Variants in NAV2 observed in about 807,000 individuals in gnomAD.
NAV2 encodes neuron navigator 2, also known as helicase, APC down-regulated 1.
Under a neutral mutation model 223.2 loss-of-function variants are expected in NAV2, and 54 were observed. That is an observed-to-expected ratio of 0.24 (90% CI 0.19 to 0.30). The LOEUF (loss-of-function observed/expected upper bound fraction) is 0.30. NAV2 is among the 10% of genes least tolerant of loss of function. The probability of loss-of-function intolerance (pLI) is 1.00; values close to 1 mark genes in which losing one functional copy is unlikely to be tolerated. For missense variants in NAV2, 2,806 were observed against 3,147.5 expected (o/e 0.89, Z 2.60); for synonymous variants, 1,279 against 1,239.3 (o/e 1.03, Z -0.67).
intron 1 of NAV2, among the ~76,000 whole-genome samples, chr11:19,610,963 C>T (rs1039488319): frequency 6.6e-6 from 1 of 152,152 alleles, no homozygotes; most frequent in Non-Finnish European, 1.5e-5. Context: ...GTGAGAGGGA[C>T]TGTATTAGTC....
intron 11 of NAV2, among the ~76,000 whole-genome samples, chr11:20,013,694 G>A (rs535440831): frequency 2.5e-4 from 38 of 152,228 alleles, no homozygotes; most frequent in African/African-American, 8.7e-4. Flanking sequence ...TACAATGCCC[G>A]GTCCCTAGAA....
intron 30 of NAV2, 83 bp from the exon 31 acceptor site, chr11:20,097,494 C>A: frequency 8.9e-7 from 1 of 1,120,850 alleles, no homozygotes; most frequent in South Asian, 1.7e-5. Context: ...AGAATATGAT[C>A]ATAAATCACC....
chr11:19,770,126 A>G (rs1467822683), intron 1 of NAV2, among the ~76,000 whole-genome samples: 1 of 152,226 alleles, frequency 6.6e-6, no homozygotes, highest in East Asian at 1.9e-4. Flanking sequence ...GTTTCTCTGA[A>G]TCATTCAAAT....
intron 1 of NAV2, among the ~76,000 whole-genome samples, chr11:19,805,505 T>C (rs1293207313): frequency 6.6e-6 from 1 of 152,152 alleles, no homozygotes; most frequent in Non-Finnish European, 1.5e-5. Context: ...ATTGATGGTA[T>C]TTGCAGCTGT....
In NAV2 at chr11:19,570,040, C is replaced by T. The variant is rs961965022; in HGVS notation, c.75+219013C>T. ...ATCAGGGGGAACATCTGTATTTCTT[C>T]CATCCTTCCCTTCAAATTTTGGGGC... On this transcript the variant is annotated intron_variant, in intron 1 of 37. Transcript: ENST00000360655. 3.9e-5 allele frequency among the ~76,000 whole-genome samples: 6 copies of T among 152,322 alleles called. No homozygotes were observed. In the East Asian group the frequency reaches 1.2e-3, roughly 29 times the overall value.
At chr11:19,708,968 C>T (rs974380330), upstream of NAV2, among the ~76,000 whole-genome samples, 3 of 151,166 alleles carry the variant, frequency 2.0e-5, no homozygotes, top group Admixed American at 6.6e-5. Context: ...CTTTCCAGAG[C>T]AGCTTGCCAT....
chr11:19,695,905 T>TAAAATAATATAAAATAAAATAAAAA, intron 1 of NAV2, among the ~76,000 whole-genome samples: 1 of 150,488 alleles, frequency 6.6e-6, no homozygotes, highest in Non-Finnish European at 1.5e-5. Flanking sequence ...TAAAATAAAA[T>TAAAATAATATAAAATAAAATAAAAA]AAAATAAAAT....
chr11:19,716,559 A>C (rs1413457660), intron 1 of NAV2, among the ~76,000 whole-genome samples: 1 of 152,196 alleles, frequency 6.6e-6, no homozygotes, highest in African/African-American at 2.4e-5. Flanking sequence ...TATTCTCTCA[A>C]GCCCCTGGAA....
intron 6 of NAV2, among the ~76,000 whole-genome samples, chr11:19,918,264 C>G (rs2043975295): frequency 6.6e-6 from 1 of 152,200 alleles, no homozygotes; most frequent in African/African-American, 2.4e-5. Context: ...GTGACTCTTG[C>G]TGGAGAAAGT....
intron 1 of NAV2, among the ~76,000 whole-genome samples, chr11:19,400,712 T>A (rs1849647953): frequency 6.6e-6 from 1 of 152,196 alleles, no homozygotes; most frequent in African/African-American, 2.4e-5. Context: ...GCCCATGATG[T>A]GAACAGTGAC....
intron 1 of NAV2, among the ~76,000 whole-genome samples, chr11:19,656,267 C>G (rs529358652): frequency 2.2e-4 from 34 of 152,318 alleles, no homozygotes; most frequent in African/African-American, 7.5e-4. Flanking sequence ...CAATTCTCAA[C>G]AGCAAAGGCC....
At chr11:19,567,133 A>G (rs1412418579) in intron 1 of NAV2, among the ~76,000 whole-genome samples, 1 of 152,216 alleles carries the variant, frequency 6.6e-6, no homozygotes, top group Non-Finnish European at 1.5e-5. Context: ...TGACAGCTTC[A>G]CAGATACTTC....
intron 1 of NAV2, among the ~76,000 whole-genome samples, chr11:19,462,978 G>A (rs1852218415): frequency 6.6e-6 from 1 of 152,208 alleles, no homozygotes; most frequent in Admixed American, 6.5e-5. Context: ...ATAGTATTCA[G>A]AGGATACTTC....
At chr11:19,823,203 C>G (rs1041120605) in intron 1 of NAV2, among the ~76,000 whole-genome samples, 1 of 152,088 alleles carries the variant, frequency 6.6e-6, no homozygotes, top group African/African-American at 2.4e-5. Flanking sequence ...TGCTACCACA[C>G]CTGGCTAATT....
intron 1 of NAV2, among the ~76,000 whole-genome samples, chr11:19,500,386 A>G (rs947303081): frequency 8.5e-5 from 13 of 152,202 alleles, no homozygotes; most frequent in Admixed American, 2.6e-4. Context: ...TTGTTTTTAG[A>G]TACAGACTTT....
rs373964957 is a variant in NAV2, at chr11:19,477,913, ATAT to A, written c.75+126887_75+126889del. Among the ~76,000 whole-genome samples the A allele has an allele frequency of 3.7e-3, 569 of 152,336 alleles. 2 individuals carry two copies. The highest frequency in any genetic ancestry group is 0.013 in the African/African-American group (526 of 41,578). ...TTCTATACCCTGGGTGGCCTTCAGA[ATAT>A]AGCACTAGATCCCAAAATACAATGC... On this transcript the variant is annotated intron_variant, in intron 1 of 37. Transcript: ENST00000360655.
intron 1 of NAV2, among the ~76,000 whole-genome samples, chr11:19,359,589 G>C (rs1468406025): frequency 6.6e-6 from 1 of 152,220 alleles, no homozygotes; most frequent in Non-Finnish European, 1.5e-5. Context: ...GGCAGAGTCA[G>C]TGTCCTGTTG....
chr11:19,581,439 A>G (rs2045714396), intron 1 of NAV2, among the ~76,000 whole-genome samples: 2 of 152,142 alleles, frequency 1.3e-5, no homozygotes, highest in African/African-American at 2.4e-5. Context: ...TTACATATGT[A>G]TACATGTGCC....
At chr11:20,103,510 G>A (rs757735551) in intron 33 of NAV2, 101 bp downstream of exon 33, 10 of 1,506,774 alleles carry the variant, frequency 6.6e-6, no homozygotes, top group Non-Finnish European at 9.1e-6. Context: ...TGGGAGTGAA[G>A]CTGTGCACAC....
Sources: gnomAD v4.1 joint callset for allele counts (sites outside exome capture counted in the v4.1 genomes callset) on GRCh38, gnomAD v4.1.1 for gene constraint, MANE v1.5 for transcripts, NCBI Gene and HGNC (gene_info 2026-07-23, HGNC 2026-07-21) for gene names.